Variants in PRKG1 observed in about 807,000 individuals in gnomAD.
PRKG1 encodes the protein cGMP-dependent protein kinase 1.
Under a neutral mutation model 88.1 loss-of-function variants are expected in PRKG1, and 35 were observed. The observed-to-expected ratio is 0.40, with a 90% CI of 0.30 to 0.53. The LOEUF is 0.53. Ranked by LOEUF, PRKG1 falls within the 20% of genes least tolerant of loss-of-function variation. The pLI, the probability that PRKG1 is intolerant of heterozygous loss-of-function variation, is 0.59. For missense variants in PRKG1, 540 were observed against 839.8 expected, an observed-to-expected ratio of 0.64 and a Z score of 4.41; for synonymous variants, 303 against 292.5, an observed-to-expected ratio of 1.04 and a Z score of -0.37.
chr10:51,570,842 C>T (rs949851786), intron 3 of PRKG1, among the ~76,000 whole-genome samples: 8 of 151,922 alleles, frequency 5.3e-5, no homozygotes, highest in African/African-American at 1.9e-4. Flanking sequence ...TTTGTACTAG[C>T]TATCCTACAG....
At chr10:51,176,313 T>C (rs990512145) in intron 2 of PRKG1, among the ~76,000 whole-genome samples, 3 of 152,126 alleles carry the variant, frequency 2.0e-5, no homozygotes, top group African/African-American at 7.2e-5. Flanking sequence ...CAAACCCTGT[T>C]CTCTTTGATG....
chr10:51,190,741 G>C (rs1323867231), intron 2 of PRKG1, among the ~76,000 whole-genome samples: 1 of 151,888 alleles, frequency 6.6e-6, no homozygotes, highest in Admixed American at 6.6e-5. Flanking sequence ...AGCTGGGTTT[G>C]AATATGAGTT....
intron 5 of PRKG1, among the ~76,000 whole-genome samples, chr10:51,946,483 C>T (rs557813783): frequency 1.3e-5 from 2 of 152,218 alleles, no homozygotes; most frequent in African/African-American, 4.8e-5. Flanking sequence ...CTCTGTCCAG[C>T]TTTGTTCCGT....
chr10:52,188,431 C>G (rs1839277392), intron 9 of PRKG1, among the ~76,000 whole-genome samples: 1 of 150,712 alleles, frequency 6.6e-6, no homozygotes, highest in African/African-American at 2.4e-5. Flanking sequence ...TCATTGGAGC[C>G]TCAACTATCT....
chr10:51,751,457 G>T (rs368681182), intron 3 of PRKG1, among the ~76,000 whole-genome samples: 1 of 152,186 alleles, frequency 6.6e-6, no homozygotes, highest in East Asian at 1.9e-4. Flanking sequence ...TGAACTCCTG[G>T]CCTCAAGTTA....
At chr10:51,390,368 C>A (rs988064158) in intron 2 of PRKG1, among the ~76,000 whole-genome samples, 6 of 152,132 alleles carry the variant, frequency 3.9e-5, no homozygotes, top group African/African-American at 1.2e-4. Flanking sequence ...TCATGACATG[C>A]GTATATTCAT....
At chr10:52,211,564 C>T (rs566032847) in intron 9 of PRKG1, among the ~76,000 whole-genome samples, 4 of 151,878 alleles carry the variant, frequency 2.6e-5, no homozygotes, top group African/African-American at 9.7e-5. Context: ...TTTCCTGGGC[C>T]AAACCAATAG....
chr10:51,439,004 T>A (rs531207287), intron 2 of PRKG1, among the ~76,000 whole-genome samples: 1 of 129,390 alleles, frequency 7.7e-6, no homozygotes, highest in East Asian at 2.2e-4. Context: ...AATTGGGATT[T>A]TTTTTTTTAA....
intron 2 of PRKG1, among the ~76,000 whole-genome samples, chr10:51,157,236 TGTG>T (rs1187721600): frequency 6.6e-6 from 1 of 151,936 alleles, no homozygotes; most frequent in Non-Finnish European, 1.5e-5. Context: ...CAAAATGAGT[TGTG>T]TTGCTTTCAG....
intron 1 of PRKG1, among the ~76,000 whole-genome samples, chr10:51,078,324 C>G (rs886634358): frequency 2.0e-5 from 3 of 151,220 alleles, no homozygotes; most frequent in Non-Finnish European, 4.4e-5. Flanking sequence ...GTTCAAGCAA[C>G]TCTCCCATCG....
At chr10:52,181,562 T>G (rs2132729220) in intron 9 of PRKG1, among the ~76,000 whole-genome samples, 1 of 118,376 alleles carries the variant, frequency 8.4e-6, no homozygotes, top group African/African-American at 3.2e-5. Context: ...TAGGTATATC[T>G]CCCAAAGCTA....
intron 1 of PRKG1, among the ~76,000 whole-genome samples, chr10:51,081,387 T>C (rs1360298177): frequency 2.0e-5 from 3 of 152,172 alleles, no homozygotes; most frequent in African/African-American, 4.8e-5. Context: ...GCAAGTAAGA[T>C]AGTACTTTAT....
intron 2 of PRKG1, among the ~76,000 whole-genome samples, chr10:51,208,059 T>G (rs999340986): frequency 2.0e-4 from 30 of 152,190 alleles, no homozygotes; most frequent in African/African-American, 7.2e-4. Context: ...AAACAAAACA[T>G]GCTCTTCCTT....
chr10:51,953,176 T>A (rs541388359), intron 5 of PRKG1, among the ~76,000 whole-genome samples: 2 of 152,206 alleles, frequency 1.3e-5, no homozygotes, highest in Non-Finnish European at 2.9e-5. Flanking sequence ...GGCAGGGATG[T>A]CACCAATGGA....
intron 1 of PRKG1, among the ~76,000 whole-genome samples, chr10:51,015,227 T>A (rs1843043041): frequency 6.6e-6 from 1 of 152,250 alleles, no homozygotes; most frequent in South Asian, 2.1e-4. Context: ...ACGCAGTTAA[T>A]TTTTTCTCCC....
chr10:51,220,143 G>T (rs908799536), intron 2 of PRKG1, among the ~76,000 whole-genome samples: 1 of 152,178 alleles, frequency 6.6e-6, no homozygotes, highest in Non-Finnish European at 1.5e-5. Flanking sequence ...AATACAAGAA[G>T]AAATATAAAC....
chr10:51,579,866 A>T (rs1837986461), intron 3 of PRKG1, among the ~76,000 whole-genome samples: 1 of 152,148 alleles, frequency 6.6e-6, no homozygotes, highest in African/African-American at 2.4e-5. Flanking sequence ...AACATCTAGT[A>T]TAAATTAAAA....
rs60307380 is a variant in PRKG1 at position 52,279,225 on chromosome 10, C to T, written c.1404-1564C>T. Reference sequence around the variant, plus strand: ...TACAATTATAAAATTTTAACTCTGCCAAAGATATCTCCAAGTCAGAGGAAA... The same window carrying T: ...TACAATTATAAAATTTTAACTCTGCTAAAGATATCTCCAAGTCAGAGGAAA... On this transcript the variant is annotated intron_variant, in intron 12 of 17. Transcript: ENST00000373980. Among the ~76,000 whole-genome samples the T allele has an allele frequency of 4.5e-3, 682 of 152,192 alleles. 7 individuals carry two copies. Among genetic ancestry groups the T allele is most frequent in the East Asian group, 0.034 (177 of 5,160 alleles).
Position 51,793,284 on chromosome 10 carries a change from C to CA in PRKG1, c.593-11299dup. Reference sequence around the variant, plus strand: ...AATACAATGAGTGAAATGGAAAATGCAATGGAGAGCATCAGTGCAGAACAG... The same window carrying CA: ...AATACAATGAGTGAAATGGAAAATGCAAATGGAGAGCATCAGTGCAGAACAG... On this transcript the variant is annotated intron_variant, in intron 3 of 17. Transcript: ENST00000373980. Among the ~76,000 whole-genome samples the CA allele has an allele frequency of 2.0e-5, 3 of 151,446 alleles. No homozygotes were observed. The Middle Eastern group carries it at 0.01, about 515-fold the overall frequency.
Sources: gnomAD v4.1 joint callset for allele counts (sites outside exome capture counted in the v4.1 genomes callset) on GRCh38, gnomAD v4.1.1 for gene constraint, MANE v1.5 for transcripts, NCBI Gene and HGNC (gene_info 2026-07-23, HGNC 2026-07-21) for gene names.